The following ANKS1B variants were observed in gnomAD, a reference collection of about 807,000 sequenced individuals.
ANKS1B encodes the protein ankyrin repeat and sterile alpha motif domain-containing protein 1B.
A neutral mutation model predicts 148.3 loss-of-function variants in ANKS1B; 36 were observed. The ratio of observed to expected loss-of-function variants is 0.24; its 90% CI spans 0.19 to 0.32. ANKS1B has a LOEUF of 0.32. ANKS1B is among the 10% of genes least tolerant of loss of function. ANKS1B has a pLI of 1.00. For synonymous variants in ANKS1B, 542 were observed against 560.8 expected (o/e 0.97, Z 0.47); for missense variants, 1,157 against 1,542.6 (o/e 0.75, Z 4.19).
chr12:99,862,332 A>G (rs1237027487), intron 1 of ANKS1B, among the ~76,000 whole-genome samples: 2 of 152,232 alleles, frequency 1.3e-5, no homozygotes, highest in Non-Finnish European at 2.9e-5. Flanking sequence ...AAAAACATCA[A>G]AGGCTTTTCA....
intron 8 of ANKS1B, among the ~76,000 whole-genome samples, chr12:99,673,667 C>T (rs1164319769): frequency 6.6e-6 from 1 of 151,750 alleles, no homozygotes; most frequent in Non-Finnish European, 1.5e-5. Flanking sequence ...TGAGATAATA[C>T]ATTTATCCTA....
intron 16 of ANKS1B, among the ~76,000 whole-genome samples, chr12:99,065,538 A>G (rs2043833823): frequency 6.6e-6 from 1 of 152,084 alleles, no homozygotes. Flanking sequence ...ACAGGAGTAT[A>G]CTCACGTTCA....
chr12:99,739,452 C>T (rs527678039), intron 8 of ANKS1B, among the ~76,000 whole-genome samples: 2 of 151,994 alleles, frequency 1.3e-5, no homozygotes, highest in African/African-American at 4.8e-5. Context: ...CAAATCCTGA[C>T]TCCAGGGACT....
At chr12:99,141,480 G>T (rs1439304302) in intron 15 of ANKS1B, among the ~76,000 whole-genome samples, 1 of 150,648 alleles carries the variant, frequency 6.6e-6, no homozygotes, top group East Asian at 2.0e-4. Context: ...TTGTTACATA[G>T]GTAAATGTAT....
intron 17 of ANKS1B, among the ~76,000 whole-genome samples, chr12:98,856,638 T>C (rs1373193607): frequency 6.6e-6 from 1 of 152,210 alleles, no homozygotes. Flanking sequence ...GAGTGGTCAG[T>C]GTTTGTCTGT....
At chr12:98,927,490 T>C (rs2152942283) in intron 17 of ANKS1B, among the ~76,000 whole-genome samples, 1 of 152,234 alleles carries the variant, frequency 6.6e-6, no homozygotes, top group East Asian at 1.9e-4. Flanking sequence ...CTTTCTAATT[T>C]AAAAGACGAA....
intron 9 of ANKS1B, among the ~76,000 whole-genome samples, chr12:99,508,987 T>A (rs907967997): frequency 1.3e-5 from 2 of 151,912 alleles, no homozygotes; most frequent in African/African-American, 4.8e-5. Flanking sequence ...ATTCTCCTAA[T>A]ATGTCAAATT....
At chr12:99,805,244 C>A (rs1207790214) in intron 4 of ANKS1B, among the ~76,000 whole-genome samples, 1 of 75,974 alleles carries the variant, frequency 1.3e-5, no homozygotes, top group Non-Finnish European at 2.4e-5. Flanking sequence ...CAAGAAATAA[C>A]CATGAAAGGA....
intron 8 of ANKS1B, among the ~76,000 whole-genome samples, chr12:99,674,427 C>T (rs867049182): frequency 6.6e-6 from 1 of 151,348 alleles, no homozygotes; most frequent in African/African-American, 2.4e-5. Context: ...ATTTAAAAAC[C>T]GCTATAAAAT....
intron 1 of ANKS1B, among the ~76,000 whole-genome samples, chr12:99,878,116 CAG>C (rs2092245330): frequency 1.3e-5 from 2 of 152,034 alleles, no homozygotes. Flanking sequence ...ACAAGAAATC[CAG>C]AGACAGGTAG....
chr12:99,243,049 T>C (rs11109769), intron 14 of ANKS1B, among the ~76,000 whole-genome samples: 1 of 152,320 alleles, frequency 6.6e-6, no homozygotes, highest in East Asian at 1.9e-4. Context: ...AAATGGGATC[T>C]AATTAAACTA....
At chr12:99,445,767 G>A (rs2095627095) in intron 10 of ANKS1B, among the ~76,000 whole-genome samples, 1 of 151,872 alleles carries the variant, frequency 6.6e-6, no homozygotes, top group African/African-American at 2.4e-5. Flanking sequence ...CATCACCCAG[G>A]CTGGAGTGCA....
chr12:98,977,078 C>A (rs1416409715), intron 17 of ANKS1B, among the ~76,000 whole-genome samples: 1 of 152,176 alleles, frequency 6.6e-6, no homozygotes, highest in Non-Finnish European at 1.5e-5. Flanking sequence ...GGCAATAATA[C>A]ATCAGAAATA....
chr12:99,053,358 C>A, intron 16 of ANKS1B, 49 bp from the exon 17 acceptor site: 1 of 1,412,236 alleles, frequency 7.1e-7, no homozygotes, highest in Non-Finnish European at 9.4e-7. Context: ...CTTTGTGTCC[C>A]AACAACAGAA....
At chr12:99,679,213 C>G (rs2098599617) in intron 8 of ANKS1B, among the ~76,000 whole-genome samples, 1 of 152,200 alleles carries the variant, frequency 6.6e-6, no homozygotes, top group African/African-American at 2.4e-5. Context: ...AAGCTCTCCT[C>G]ATCTGAAGTT....
chr12:99,584,349 C>T (rs977992615), intron 9 of ANKS1B, among the ~76,000 whole-genome samples: 41 of 152,220 alleles, frequency 2.7e-4, no homozygotes, highest in African/African-American at 9.9e-4. Context: ...TCTGTAATTC[C>T]AGGACTTTGT....
chr12:99,278,669 T>C (rs2078004070), intron 12 of ANKS1B, among the ~76,000 whole-genome samples: 1 of 152,186 alleles, frequency 6.6e-6, no homozygotes, highest in Admixed American at 6.5e-5. Context: ...CATGAAGGAT[T>C]GTAATCTTCT....
At chr12:98,881,725 A>T (rs188100435) in intron 17 of ANKS1B, among the ~76,000 whole-genome samples, 1 of 152,146 alleles carries the variant, frequency 6.6e-6, no homozygotes. Flanking sequence ...CCATTCTACC[A>T]CAAAAATGCC....
intron 15 of ANKS1B, among the ~76,000 whole-genome samples, chr12:99,143,217 A>C (rs1045073695): frequency 6.6e-6 from 1 of 152,128 alleles, no homozygotes; most frequent in African/African-American, 2.4e-5. Flanking sequence ...AAAGTATAAC[A>C]ATGTGAAATC....
Sources: allele counts gnomAD v4.1 joint callset (sites outside exome capture counted in the v4.1 genomes callset), GRCh38; gene constraint gnomAD v4.1.1; transcripts MANE v1.5; gene names NCBI Gene and HGNC (gene_info 2026-07-23, HGNC 2026-07-21).